The following TMEM200A variants were observed in gnomAD, a reference collection of about 807,000 sequenced individuals.
TMEM200A encodes the protein two transmembrane C.
A neutral mutation model predicts 24.3 loss-of-function variants in TMEM200A; 12 were observed. The ratio of observed to expected loss-of-function variants is 0.49; its 90% confidence interval spans 0.32 to 0.80. The LOEUF (loss-of-function observed/expected upper bound fraction) is 0.80, where lower values mean the gene tolerates loss of function less well. Among genes scored for constraint, TMEM200A ranks in the 30% least tolerant of loss-of-function variants. The pLI is 0.04. For missense variants in TMEM200A, 545 were observed against 614.4 expected (o/e 0.89, Z 1.19); for synonymous variants, 224 against 224.4 (o/e 1.00, Z 0.02).
At chr6:130,377,297 C>G (rs1778481846) in intron 1 of TMEM200A, among the ~76,000 whole-genome samples, 1 of 152,164 alleles carries the variant, frequency 6.6e-6, no homozygotes, top group Non-Finnish European at 1.5e-5. Flanking sequence ...TTTGAAAAGA[C>G]AGGTTACAAA....
intron 2 of TMEM200A, among the ~76,000 whole-genome samples, chr6:130,411,543 G>C (rs1779330478): frequency 6.6e-6 from 1 of 152,136 alleles, no homozygotes; most frequent in Non-Finnish European, 1.5e-5. Context: ...GCCTTTTATA[G>C]CAGAAGGATC....
chr6:130,429,329 C>T (rs2115204282), intron 2 of TMEM200A, among the ~76,000 whole-genome samples: 1 of 152,278 alleles, frequency 6.6e-6, no homozygotes, highest in East Asian at 1.9e-4. Flanking sequence ...CGAGATCAGC[C>T]TGGCCAACAT....
At chr6:130,431,493 G>T (rs1346802926) in intron 2 of TMEM200A, among the ~76,000 whole-genome samples, 1 of 152,206 alleles carries the variant, frequency 6.6e-6, no homozygotes, top group Non-Finnish European at 1.5e-5. Context: ...AGAGAATGGG[G>T]AGTGTGACAG....
In TMEM200A at chr6:130,436,630, CCTTTTTTTTTTTT is replaced by C. The variant is rs1384123792; in HGVS notation, c.-16-3776_-16-3764del. On this transcript the variant is annotated intron_variant, in intron 2 of 2. Transcript: ENST00000296978. ...TTCACTAGGCTTCGTTTTTCTTTAT[CCTTTTTTTTTTTT>C]TTTTTTTTTTTTTTTTTTTCAGAGA... 7.2e-4 allele frequency among the ~76,000 whole-genome samples: 48 copies of C among 66,780 alleles called. 1 individual carries two copies. The highest frequency in any genetic ancestry group is 4.1e-3 in the East Asian group (8 of 1,964). 43.8% of individuals were successfully genotyped at this position (66,780 alleles called of 152,430 possible).
chr6:130,417,640 T>G (rs1188348039), intron 2 of TMEM200A, among the ~76,000 whole-genome samples: 1 of 152,184 alleles, frequency 6.6e-6, no homozygotes, highest in Non-Finnish European at 1.5e-5. Flanking sequence ...CTATCCAGTA[T>G]CATAACTTTA....
chr6:130,436,123 C>T (rs530883782), intron 2 of TMEM200A, among the ~76,000 whole-genome samples: 23 of 152,206 alleles, frequency 1.5e-4, no homozygotes, highest in Non-Finnish European at 2.6e-4. Context: ...TCTGGAGGCC[C>T]CTCCCCATCT....
intron 2 of TMEM200A, among the ~76,000 whole-genome samples, chr6:130,424,541 G>A (rs1416996472): frequency 6.6e-6 from 1 of 151,980 alleles, no homozygotes; most frequent in Non-Finnish European, 1.5e-5. Flanking sequence ...TTTTTCTGGA[G>A]TTAATCATTA....
chr6:130,405,336 A>G (rs1329630787), intron 2 of TMEM200A, among the ~76,000 whole-genome samples: 1 of 152,112 alleles, frequency 6.6e-6, no homozygotes, highest in Non-Finnish European at 1.5e-5. Context: ...TTCTATGAGC[A>G]GTGGTTTGTA....
intron 2 of TMEM200A, among the ~76,000 whole-genome samples, chr6:130,395,814 C>G (rs529123480): frequency 6.6e-6 from 1 of 152,136 alleles, no homozygotes; most frequent in East Asian, 1.9e-4. Context: ...GCAAGTGTTA[C>G]GCTTAACAGC....
chr6:130,436,521 G>A (rs1780016224), intron 2 of TMEM200A, among the ~76,000 whole-genome samples: 2 of 145,530 alleles, frequency 1.4e-5, no homozygotes, highest in African/African-American at 5.0e-5. Context: ...GGCTGTTTTT[G>A]CATATACTGA....
Position 130,441,490 on chromosome 6 carries a change from G to T in TMEM200A, c.1068G>T (p.Ser356=). The T allele has an allele frequency of 6.2e-7, 1 of 1,613,980 alleles. No individual in the cohort carries two copies. Among genetic ancestry groups the T allele is most frequent in the Non-Finnish European group, 8.5e-7 (1 of 1,179,990 alleles). ...ATAATTCCATTGGGGAGTCGTTGTC[G>T]AGTCAGTACAAGTCATCTATGGCTC... is the stretch of plus-strand genomic sequence containing the variant. ...PRNNSIGESL[S]SQYKSSMALG... Residue 356 remains serine (S), a synonymous_variant, in exon 3 of 3, where the codon TCG becomes TCT. Transcript: ENST00000296978.
intron 2 of TMEM200A, among the ~76,000 whole-genome samples, chr6:130,431,404 C>T (rs923584792): frequency 2.0e-5 from 3 of 152,208 alleles, no homozygotes; most frequent in Admixed American, 6.5e-5. Context: ...GCTAATTTCC[C>T]GTGTCTTAGT....
At chr6:130,417,143 G>A (rs1168303991) in intron 2 of TMEM200A, among the ~76,000 whole-genome samples, 2 of 152,148 alleles carry the variant, frequency 1.3e-5, no homozygotes, top group African/African-American at 4.8e-5. Context: ...AAGAAGGTGA[G>A]GATCAAGTCT....
chr6:130,388,638 C>T (rs9492567), intron 2 of TMEM200A, among the ~76,000 whole-genome samples: 74,080 of 152,126 alleles, frequency 0.49, 22,157 homozygotes, highest in African/African-American at 0.85. Context: ...TCATATTTCT[C>T]AATCTTGTCA....
chr6:130,427,211 A>T (rs141836211), intron 2 of TMEM200A, among the ~76,000 whole-genome samples: 6 of 152,210 alleles, frequency 3.9e-5, no homozygotes, highest in African/African-American at 1.4e-4. Context: ...TAAAAGCAGT[A>T]CATGTTCCTT....
chr6:130,441,074 A>G lies in TMEM200A; in HGVS notation c.652A>G (p.Ser218Gly), dbSNP rs1202930556. The change falls in exon 3 of 3, where the codon AGC becomes GGC. Residue 218 changes from serine (S) to glycine (G), a missense_variant. Transcript: ENST00000296978. ...GATCGCCTCTTTCTCGGGTTTTCGG[A>G]GCAGTTTTCGAATGGACAGCTCCGT... is the stretch of plus-strand genomic sequence containing the variant. ...NTIASFSGFRSSFRMDSSVEE... is the reference protein window; with the variant it reads ...NTIASFSGFRGSFRMDSSVEE... The G allele has an allele frequency of 6.2e-7, 1 of 1,613,986 alleles. No individual in the cohort carries two copies. Among genetic ancestry groups the G allele is most frequent in the East Asian group, 2.2e-5 (1 of 44,786 alleles).
chr6:130,380,466 AT>A (rs374045992), intron 1 of TMEM200A, among the ~76,000 whole-genome samples: 58 of 152,334 alleles, frequency 3.8e-4, no homozygotes, highest in African/African-American at 1.4e-3. Context: ...AAAAGAAGTG[AT>A]TGAATAGCTA....
At position 130,440,997 on chromosome 6, in the gene TMEM200A, C is replaced by G. The variant is rs775314072; in HGVS notation, c.575C>G (p.Thr192Arg). 6.2e-7 allele frequency: 1 copy of G among 1,613,946 alleles called. No homozygotes were observed. Among genetic ancestry groups the G allele is most frequent in the Non-Finnish European group, 8.5e-7 (1 of 1,179,984 alleles). The change falls in exon 3 of 3, where the codon ACA (threonine) becomes AGA (arginine). Residue 192 changes from threonine (T) to arginine (R), a missense_variant. Coordinates refer to ENST00000296978, the MANE Select transcript of TMEM200A (RefSeq NM_001258277.2). The stretch of plus-strand genomic sequence containing the variant: ...ATGTACACTGGTTTGATGGGAGAAA[C>G]AGAAGTAAAACAGAATGGGAGCTCC... The part of the protein sequence containing the change: ...NGMYTGLMGE[T>R]EVKQNGSSCA...
At chr6:130,401,679 A>G (rs938438703) in intron 2 of TMEM200A, among the ~76,000 whole-genome samples, 1 of 151,834 alleles carries the variant, frequency 6.6e-6, no homozygotes. Context: ...GTATTGCAAG[A>G]TTGTTTTCCT....
Sources: allele counts gnomAD v4.1 joint callset (sites outside exome capture counted in the v4.1 genomes callset), GRCh38; gene constraint gnomAD v4.1.1; transcripts MANE v1.5; gene names NCBI Gene and HGNC (gene_info 2026-07-23, HGNC 2026-07-21).